The following SLC39A11 variants were observed in gnomAD, a reference collection of about 807,000 sequenced individuals.
The protein encoded by SLC39A11 is solute carrier family 39 member 11, also known as zinc transporter ZIP11.
SLC39A11 carries 33 observed loss-of-function variants against 36.1 expected under a neutral mutation model. That is an observed-to-expected ratio of 0.91 (90% CI 0.69 to 1.22). The LOEUF (loss-of-function observed/expected upper bound fraction) is 1.22. Ranked by LOEUF, SLC39A11 falls within the 50% of genes most tolerant of loss-of-function variation. The pLI, the probability that SLC39A11 is intolerant of heterozygous loss-of-function variation, is 0.00. For missense variants in SLC39A11, 432 were observed against 430.3 expected (o/e 1.00, Z -0.03); for synonymous variants, 166 against 170.3 (o/e 0.97, Z 0.20).
At chr17:72,965,010 C>A (rs532938164) in intron 4 of SLC39A11, among the ~76,000 whole-genome samples, 8 of 151,968 alleles carry the variant, frequency 5.3e-5, no homozygotes, top group South Asian at 2.1e-4. Flanking sequence ...GGACAAAAAA[C>A]CAAACACTGC....
chr17:72,771,412 TG>T (rs2075938277), intron 6 of SLC39A11, among the ~76,000 whole-genome samples: 2 of 151,186 alleles, frequency 1.3e-5, no homozygotes, highest in Non-Finnish European at 2.9e-5. Context: ...CGAGGAGCCA[TG>T]AGCAGAGGTG....
intron 7 of SLC39A11, among the ~76,000 whole-genome samples, chr17:72,679,996 C>A (rs574066900): frequency 7.9e-6 from 1 of 126,790 alleles, no homozygotes. Flanking sequence ...GAGCCAAGAT[C>A]GAGCTACTGC....
intron 4 of SLC39A11, among the ~76,000 whole-genome samples, chr17:72,999,714 A>C (rs978747166): frequency 3.3e-5 from 5 of 151,920 alleles, no homozygotes; most frequent in African/African-American, 1.2e-4. Context: ...GTTTTCTTTT[A>C]TTTTAGCTAT....
intron 3 of SLC39A11, among the ~76,000 whole-genome samples, chr17:73,045,749 C>T (rs1483545617): frequency 6.6e-6 from 1 of 152,136 alleles, no homozygotes; most frequent in Non-Finnish European, 1.5e-5. Context: ...TTCAGTTTGC[C>T]AAAATTGTTA....
chr17:72,927,771 T>C (rs932424430), intron 5 of SLC39A11, among the ~76,000 whole-genome samples: 1 of 151,902 alleles, frequency 6.6e-6, no homozygotes, highest in African/African-American at 2.4e-5. Flanking sequence ...ATCTCTTACA[T>C]GCAAAAATAA....
At chr17:72,939,458 G>GAAAA (rs3064732) in intron 5 of SLC39A11, among the ~76,000 whole-genome samples, 2 of 145,484 alleles carry the variant, frequency 1.4e-5, no homozygotes, top group Non-Finnish European at 1.5e-5. Flanking sequence ...GTTCCGTCTC[G>GAAAA]AAAAAAAAAA....
At position 73,046,289 on chromosome 17, in the gene SLC39A11, C is replaced by T. The variant is rs1042429221; in HGVS notation, c.148-14575G>A. 1.2e-4 allele frequency among the ~76,000 whole-genome samples: 19 copies of T among 152,084 alleles called. 1 individual carries two copies. The highest frequency in any genetic ancestry group is 1.1e-3 in the Admixed American group (17 of 15,272). ...TTCTAAATAGTATTACATTTCATTC[C>T]ACCACTCGTGAAAATACAGGTTCTG... On this transcript the variant is annotated intron_variant, in intron 3 of 9. Coordinates refer to ENST00000255559, the MANE Select transcript of SLC39A11 (RefSeq NM_139177.4).
At chr17:72,716,284 C>T (rs2073359054) in intron 7 of SLC39A11, among the ~76,000 whole-genome samples, 1 of 151,900 alleles carries the variant, frequency 6.6e-6, no homozygotes. Flanking sequence ...GGAAATTCGT[C>T]TTTTAAGAAC....
At chr17:73,029,938 C>T (rs2058685609) in intron 4 of SLC39A11, among the ~76,000 whole-genome samples, 1 of 152,136 alleles carries the variant, frequency 6.6e-6, no homozygotes, top group South Asian at 2.1e-4. Context: ...GACAGTGGTC[C>T]CCAACCTTTT....
chr17:73,067,592 T>G (rs1180297867), intron 3 of SLC39A11, among the ~76,000 whole-genome samples: 1 of 152,146 alleles, frequency 6.6e-6, no homozygotes, highest in Non-Finnish European at 1.5e-5. Context: ...AGTCTCCTTT[T>G]CAACCTTGGA....
intron 4 of SLC39A11, among the ~76,000 whole-genome samples, chr17:72,949,424 G>C (rs2085707912): frequency 6.6e-6 from 1 of 151,830 alleles, no homozygotes; most frequent in Non-Finnish European, 1.5e-5. Flanking sequence ...GCCTCCCAAA[G>C]TGCTGGGATT....
At chr17:72,683,256 A>G (rs2071584676) in intron 7 of SLC39A11, among the ~76,000 whole-genome samples, 1 of 151,072 alleles carries the variant, frequency 6.6e-6, no homozygotes, top group African/African-American at 2.4e-5. Flanking sequence ...TAAAGTATAC[A>G]CCCCCATGGA....
intron 7 of SLC39A11, among the ~76,000 whole-genome samples, chr17:72,721,707 TG>T (rs1439047649): frequency 1.3e-5 from 2 of 152,176 alleles, no homozygotes; most frequent in African/African-American, 4.8e-5. Context: ...TGGTAGCTCA[TG>T]CCTGTAATCG....
chr17:73,081,229 A>G (rs1044510723), intron 3 of SLC39A11, among the ~76,000 whole-genome samples: 3 of 152,192 alleles, frequency 2.0e-5, no homozygotes, highest in African/African-American at 7.2e-5. Flanking sequence ...AACGCTCAAC[A>G]TCACTAATGA....
intron 7 of SLC39A11, among the ~76,000 whole-genome samples, chr17:72,729,411 A>T (rs1294957291): frequency 1.7e-3 from 4 of 2,288 alleles, no homozygotes; most frequent in Non-Finnish European, 2.4e-3. Flanking sequence ...CTATTTATAT[A>T]TATATATATA....
At chr17:73,048,801 C>T (rs904600943) in intron 3 of SLC39A11, among the ~76,000 whole-genome samples, 3 of 152,180 alleles carry the variant, frequency 2.0e-5, no homozygotes, top group Non-Finnish European at 4.4e-5. Context: ...TCTATTCTTA[C>T]TATTATTGCA....
intron 6 of SLC39A11, among the ~76,000 whole-genome samples, chr17:72,848,994 G>A (rs1313460093): frequency 6.6e-6 from 1 of 152,122 alleles, no homozygotes; most frequent in Non-Finnish European, 1.5e-5. Context: ...CAATAACATA[G>A]TCAATTAGTA....
intron 5 of SLC39A11, among the ~76,000 whole-genome samples, chr17:72,939,167 T>C (rs2084940339): frequency 6.6e-6 from 1 of 152,068 alleles, no homozygotes; most frequent in Admixed American, 6.6e-5. Context: ...CCTCAGAATA[T>C]GACCTTACCT....
chr17:72,953,021 C>G (rs1338805313), intron 4 of SLC39A11, among the ~76,000 whole-genome samples: 7 of 152,162 alleles, frequency 4.6e-5, no homozygotes, highest in Non-Finnish European at 7.3e-5. Context: ...CCCTCTCCTT[C>G]TCCATTGTTC....
Sources: gnomAD v4.1 joint callset for allele counts (sites outside exome capture counted in the v4.1 genomes callset) on GRCh38, gnomAD v4.1.1 for gene constraint, MANE v1.5 for transcripts, NCBI Gene and HGNC (gene_info 2026-07-23, HGNC 2026-07-21) for gene names.